Variants in ANXA8 observed in about 807,000 individuals in gnomAD.
The protein encoded by ANXA8 is annexin A8.
Under a neutral mutation model 26.8 loss-of-function variants are expected in ANXA8, and 9 were observed. That is an observed-to-expected ratio of 0.34 (90% confidence interval 0.20 to 0.59). The LOEUF is 0.59. Ranked by LOEUF, ANXA8 falls within the 20% of genes least tolerant of loss-of-function variation. The pLI is 0.84. For missense variants in ANXA8, 83 were observed against 238.5 expected (o/e 0.35, Z 4.29); for synonymous variants, 39 against 94.8 (o/e 0.41, Z 3.42).
chr10:47,556,164 T>C, the ANXA8 span, among the ~76,000 whole-genome samples: 1 of 151,894 alleles, frequency 6.6e-6, no homozygotes, highest in Non-Finnish European at 1.5e-5. Flanking sequence ...TGTAAAATTA[T>C]CCTCAGGAAA....
chr10:47,597,150 GA>G, the ANXA8 span, among the ~76,000 whole-genome samples: 8 of 148,644 alleles, frequency 5.4e-5, no homozygotes, highest in South Asian at 2.1e-4. Flanking sequence ...AATTTAAAAT[GA>G]AAAAAAACAT....
At chr10:47,570,773 A>C in the ANXA8 span, among the ~76,000 whole-genome samples, 1 of 150,320 alleles carries the variant, frequency 6.7e-6, no homozygotes, top group Non-Finnish European at 1.5e-5. Flanking sequence ...ACCACATCTC[A>C]AGAAGAAAGA....
At chr10:47,488,099 A>G (rs1840078810), upstream of ANXA8, among the ~76,000 whole-genome samples, 1 of 137,092 alleles carries the variant, frequency 7.3e-6, no homozygotes, top group Non-Finnish European at 1.6e-5. Context: ...CATGAACCAG[A>G]AAGACTCCCT....
the ANXA8 span, among the ~76,000 whole-genome samples, chr10:47,555,503 A>G: frequency 1.3e-5 from 2 of 151,868 alleles, no homozygotes; most frequent in South Asian, 2.1e-4. Flanking sequence ...TTCCTGTTCA[A>G]ATGACTGTGT....
the ANXA8 span, among the ~76,000 whole-genome samples, chr10:47,620,611 G>C: frequency 3.9e-5 from 4 of 103,780 alleles, 2 homozygotes; most frequent in African/African-American, 7.5e-5. Flanking sequence ...AGTTCTGGAC[G>C]CTTAAAAAAT....
At chr10:47,958,174 G>A in the ANXA8 span, among the ~76,000 whole-genome samples, 2 of 150,170 alleles carry the variant, frequency 1.3e-5, no homozygotes, top group Non-Finnish European at 2.9e-5. Context: ...GAAACCTAAG[G>A]ACACCTTAGA....
chr10:47,568,092 C>T, the ANXA8 span: 22 of 398,050 alleles, frequency 5.5e-5, no homozygotes, highest in Admixed American at 1.6e-4. Flanking sequence ...TGGAGTGCAA[C>T]GGTGCGATCT....
chr10:47,646,876 T>C, the ANXA8 span, among the ~76,000 whole-genome samples: 4 of 152,120 alleles, frequency 2.6e-5, no homozygotes, highest in African/African-American at 9.7e-5. Context: ...GTCCCATTTT[T>C]ATTTTGCCAT....
At chr10:47,743,405 T>TGTGAGA in the ANXA8 span, among the ~76,000 whole-genome samples, 1,839 of 83,256 alleles carry the variant, frequency 0.022, 17 homozygotes, top group Middle Eastern at 0.036. Context: ...TGTGTGTGTG[T>TGTGAGA]GAGAGAGAGA....
At chr10:47,610,286 G>A in the ANXA8 span, among the ~76,000 whole-genome samples, 249 of 144,494 alleles carry the variant, frequency 1.7e-3, 10 homozygotes, top group African/African-American at 4.1e-3. Flanking sequence ...TTACTAGAAC[G>A]TGAAATCAAT....
the ANXA8 span, among the ~76,000 whole-genome samples, chr10:47,552,666 C>T: frequency 1.3e-5 from 2 of 151,898 alleles, no homozygotes; most frequent in Non-Finnish European, 2.9e-5. Context: ...GAATCTGTGG[C>T]CAATAAATTG....
the ANXA8 span, among the ~76,000 whole-genome samples, chr10:47,671,158 C>G: frequency 6.6e-6 from 1 of 151,892 alleles, no homozygotes; most frequent in Non-Finnish European, 1.5e-5. Context: ...TGCAGTGGCT[C>G]ACATCTATAA....
At chr10:47,776,205 A>G in the ANXA8 span, among the ~76,000 whole-genome samples, 3 of 150,434 alleles carry the variant, frequency 2.0e-5, no homozygotes, top group South Asian at 2.1e-4. Flanking sequence ...TCAAATCCTC[A>G]TGCATCCTTA....
the ANXA8 span, among the ~76,000 whole-genome samples, chr10:47,958,588 C>T: frequency 6.7e-6 from 1 of 148,432 alleles, no homozygotes; most frequent in Non-Finnish European, 1.5e-5. Context: ...TCGCCTCCTC[C>T]TCTAACAGGC....
the ANXA8 span, among the ~76,000 whole-genome samples, chr10:47,776,835 A>G: frequency 6.6e-6 from 1 of 151,618 alleles, no homozygotes; most frequent in Non-Finnish European, 1.5e-5. Flanking sequence ...TTTCTCCCTC[A>G]CCTGCCTGCA....
chr10:47,929,691 G>A, the ANXA8 span, among the ~76,000 whole-genome samples: 1 of 149,870 alleles, frequency 6.7e-6, no homozygotes, highest in East Asian at 2.0e-4. Flanking sequence ...ATTTGCTTGG[G>A]CCACAGTCTT....
At chr10:47,667,692 A>G in the ANXA8 span, among the ~76,000 whole-genome samples, 1 of 151,446 alleles carries the variant, frequency 6.6e-6, no homozygotes, top group African/African-American at 2.4e-5. Context: ...AGCTGGAATT[A>G]CAGGTGTGCA....
the ANXA8 span, among the ~76,000 whole-genome samples, chr10:47,672,987 G>T: frequency 2.0e-5 from 3 of 150,672 alleles, no homozygotes; most frequent in Non-Finnish European, 4.4e-5. Flanking sequence ...GAAACCCATG[G>T]TTGCTCTAGG....
chr10:47,676,318 G>A, the ANXA8 span, among the ~76,000 whole-genome samples: 1 of 151,850 alleles, frequency 6.6e-6, no homozygotes, highest in Admixed American at 6.6e-5. Context: ...ATTCACAAAT[G>A]GAAGGAGTTC....
Sources: allele counts gnomAD v4.1 joint callset (sites outside exome capture counted in the v4.1 genomes callset), GRCh38; gene constraint gnomAD v4.1.1; transcripts MANE v1.5; gene names NCBI Gene and HGNC (gene_info 2026-07-23, HGNC 2026-07-21).